Variants in TAB2 observed in about 807,000 individuals in gnomAD.
The protein encoded by TAB2 is TGF-beta activated kinase 1 (MAP3K7) binding protein 2.
In TAB2, 3 loss-of-function variants were observed where a neutral mutation model predicts 65.0. The observed-to-expected ratio is 0.05, with a 90% CI of 0.02 to 0.12. The LOEUF is 0.12. Ranked by LOEUF, TAB2 falls within the 10% of genes least tolerant of loss-of-function variation. TAB2 has a pLI of 1.00. For synonymous variants in TAB2, 298 were observed against 285.1 expected (o/e 1.05, Z -0.46); for missense variants, 623 against 840.3 (o/e 0.74, Z 3.20).
rs114796422 is a variant in TAB2 at position 149,299,869 on chromosome 6, A to G, written c.-120-78149A>G. On this transcript the variant is annotated intron_variant, in intron 1 of 1. Coordinates refer to the TAB2 transcript ENST00000606202. The stretch of plus-strand genomic sequence containing the variant: ...TTTTTTTTTTTTTAACTTAGCCGGC[A>G]TGGCGGTTCGTACCTGTAGCCCCAG... 1.0e-3 allele frequency among the ~76,000 whole-genome samples: 156 copies of G among 151,196 alleles called. 1 individual carries two copies. The highest frequency in any genetic ancestry group is 3.7e-3 in the African/African-American group (152 of 41,138).
intron 1 of TAB2, among the ~76,000 whole-genome samples, chr6:149,294,830 C>T (rs1778846669): frequency 6.6e-6 from 1 of 152,194 alleles, no homozygotes; most frequent in Non-Finnish European, 1.5e-5. Context: ...GACTCAACTT[C>T]TCTGAAGTTT....
intron 3 of TAB2, among the ~76,000 whole-genome samples, chr6:149,393,150 A>G (rs1782050586): frequency 6.6e-6 from 1 of 152,218 alleles, no homozygotes; most frequent in Admixed American, 6.5e-5. Flanking sequence ...CTTTCCTAGT[A>G]TATTCATAGC....
At position 149,379,241 on chromosome 6, in the gene TAB2, A is replaced by G. The variant is rs758016253; in HGVS notation, c.1326A>G (p.Ala442=). The change falls in exon 3 of 7, where the codon GCA becomes GCG. Residue 442 remains alanine, a synonymous_variant. Coordinates refer to ENST00000637181, the MANE Select transcript of TAB2 (RefSeq NM_001292034.3). ...FIHHHPPKSR[A]IGNNSATSPR... is the part of the protein sequence containing the mutation. ...ATCACCATCCTCCCAAAAGTCGAGC[A>G]ATAGGCAATAACTCTGCAACCTCTC... 1 of 1,614,220 alleles carries G rather than the reference A, an allele frequency of 6.2e-7. No individual in the cohort carries two copies.
chr6:149,376,996 G>A (rs141268290), intron 2 of TAB2, among the ~76,000 whole-genome samples: 12 of 150,928 alleles, frequency 8.0e-5, no homozygotes, highest in South Asian at 2.1e-4. Flanking sequence ...GATTACACAA[G>A]TTAAGAGGAA....
intron 6 of TAB2, among the ~76,000 whole-genome samples, chr6:149,403,411 A>G (rs1027578344): frequency 6.7e-6 from 1 of 150,242 alleles, no homozygotes; most frequent in Non-Finnish European, 1.5e-5. Context: ...AATAAAGGCC[A>G]TATATAAAAA....
Position 149,378,806 on chromosome 6 carries a change from C to A in TAB2, c.891C>A (p.Thr297=). The stretch of plus-strand genomic sequence containing the variant: ...CACCTACTACTTCACAACCACCAAC[C>A]ATTCATTCATCTGGTAGCTCACAGT... The part of the protein sequence containing the change: ...ISSPTTSQPP[T]IHSSGSSQSS... The change falls in exon 3 of 7, where the codon ACC becomes ACA. Residue 297 remains threonine, a synonymous_variant. Transcript: ENST00000637181. 2.5e-6 allele frequency: 4 copies of A among 1,614,178 alleles called. No homozygotes were observed. In the South Asian group the frequency reaches 3.3e-5, roughly 13 times the overall value.
At chr6:149,300,316 A>G (rs979552186) in intron 1 of TAB2, among the ~76,000 whole-genome samples, 3 of 152,216 alleles carry the variant, frequency 2.0e-5, no homozygotes, top group Non-Finnish European at 4.4e-5. Flanking sequence ...GGTTTTGATC[A>G]ATAAGATGTG....
chr6:149,379,611 T>A, intron 3 of TAB2, 93 bp downstream of exon 3: 1 of 1,224,650 alleles, frequency 8.2e-7, no homozygotes, highest in Non-Finnish European at 1.2e-6. Flanking sequence ...AGCATTGTTA[T>A]TTCATTGTTT....
chr6:149,386,216 A>G (rs1278006114), intron 3 of TAB2, among the ~76,000 whole-genome samples: 1 of 152,240 alleles, frequency 6.6e-6, no homozygotes, highest in Admixed American at 6.5e-5. Context: ...AGAACAGTAC[A>G]CTTTCTTAAA....
At chr6:149,353,228 G>GTGC (rs142975108) in intron 1 of TAB2, among the ~76,000 whole-genome samples, 9,616 of 151,820 alleles carry the variant, frequency 0.063, 581 homozygotes, top group African/African-American at 0.17. Flanking sequence ...AAAGCTCTGG[G>GTGC]TGCTGCTGCT....
At chr6:149,316,646 GGACACTAAAC>G (rs1476815085), upstream of TAB2, among the ~76,000 whole-genome samples, 1 of 151,996 alleles carries the variant, frequency 6.6e-6, no homozygotes, top group Non-Finnish European at 1.5e-5. Context: ...TTCCCTAGGG[GGACACTAAAC>G]AAATATTTAT....
At chr6:149,330,861 T>C (rs1173486148) in intron 1 of TAB2, among the ~76,000 whole-genome samples, 2 of 152,030 alleles carry the variant, frequency 1.3e-5, no homozygotes, top group Admixed American at 1.3e-4. Context: ...TAACCTTAGG[T>C]CCCAAACAAA....
chr6:149,389,754 A>T (rs993154404), intron 3 of TAB2, among the ~76,000 whole-genome samples: 3 of 151,934 alleles, frequency 2.0e-5, no homozygotes, highest in African/African-American at 7.3e-5. Context: ...TGGTGCATCT[A>T]GGCCTGTTTT....
intron 1 of TAB2, among the ~76,000 whole-genome samples, chr6:149,242,875 C>T (rs1324039562): frequency 6.6e-6 from 1 of 152,162 alleles, no homozygotes; most frequent in Non-Finnish European, 1.5e-5. Flanking sequence ...AGGTCTCTTC[C>T]CTGCTGGGAA....
intron 1 of TAB2, among the ~76,000 whole-genome samples, chr6:149,301,733 T>A (rs979258444): frequency 2.0e-5 from 3 of 152,230 alleles, no homozygotes; most frequent in Admixed American, 2.0e-4. Flanking sequence ...AAGAGCTCCA[T>A]GTATTTAACC....
In TAB2 at chr6:149,258,484, A is replaced by G. The variant is rs866840544; in HGVS notation, c.-121+39708A>G. Among the ~76,000 whole-genome samples the G allele has an allele frequency of 1.4e-4, 21 of 151,778 alleles. No individual in the cohort carries two copies. In the South Asian group the frequency reaches 2.7e-3, roughly 20 times the overall value. On this transcript the variant is annotated intron_variant, in intron 1 of 1. Transcript: ENST00000606202. ...CACATAAATACACTTTTACTTTTGT[A>G]TGATTCTGTCCTATACCTAAGGGAA...
intron 1 of TAB2, among the ~76,000 whole-genome samples, chr6:149,298,513 A>G (rs1263643933): frequency 6.6e-6 from 1 of 152,126 alleles, no homozygotes; most frequent in African/African-American, 2.4e-5. Context: ...CTGCAGCCCT[A>G]GCTACCCCGG....
chr6:149,327,305 C>T (rs1325491980), intron 1 of TAB2, among the ~76,000 whole-genome samples: 1 of 152,152 alleles, frequency 6.6e-6, no homozygotes, highest in East Asian at 1.9e-4. Flanking sequence ...CAAATTATGT[C>T]ATAGTTGCCT....
At chr6:149,311,316 T>C (rs1467939032) in intron 1 of TAB2, among the ~76,000 whole-genome samples, 1 of 152,194 alleles carries the variant, frequency 6.6e-6, no homozygotes, top group South Asian at 2.1e-4. Context: ...TCAATTGAAA[T>C]TTCAACTCTT....
Sources: allele counts gnomAD v4.1 joint callset (sites outside exome capture counted in the v4.1 genomes callset), GRCh38; gene constraint gnomAD v4.1.1; transcripts MANE v1.5; gene names NCBI Gene and HGNC (gene_info 2026-07-23, HGNC 2026-07-21).